DLG2: variants seen among roughly 807,000 people sequenced by gnomAD.
DLG2 encodes discs large MAGUK scaffold protein 2.
A neutral mutation model predicts 132.5 loss-of-function variants in DLG2; 45 were observed. That is an observed-to-expected ratio of 0.34 (90% CI 0.27 to 0.44). The LOEUF (loss-of-function observed/expected upper bound fraction) is 0.44, where lower values mean the gene tolerates loss of function less well. Among genes scored for constraint, DLG2 ranks in the 20% least tolerant of loss-of-function variants. The pLI, the probability that DLG2 is intolerant of heterozygous loss-of-function variation, is 1.00. For missense variants in DLG2, 1,045 were observed against 1,196.9 expected, an observed-to-expected ratio of 0.87 and a Z score of 1.87; for synonymous variants, 424 against 419.6, an observed-to-expected ratio of 1.01 and a Z score of -0.13.
intron 6 of DLG2, among the ~76,000 whole-genome samples, chr11:84,911,591 C>A (rs2092065644): frequency 6.6e-6 from 1 of 152,096 alleles, no homozygotes; most frequent in Non-Finnish European, 1.5e-5. Context: ...TATCCTTAAT[C>A]TTAAAATTGC....
At chr11:85,577,358 C>T (rs578119337) in intron 3 of DLG2, among the ~76,000 whole-genome samples, 1 of 151,990 alleles carries the variant, frequency 6.6e-6, no homozygotes, top group African/African-American at 2.4e-5. Flanking sequence ...ATTCTGCCAA[C>T]AAGATTTGCA....
At chr11:84,153,634 T>C (rs1301826345) in intron 9 of DLG2, among the ~76,000 whole-genome samples, 1 of 152,218 alleles carries the variant, frequency 6.6e-6, no homozygotes, top group Non-Finnish European at 1.5e-5. Context: ...GTCTATTACA[T>C]TGCTAATGCT....
intron 3 of DLG2, among the ~76,000 whole-genome samples, chr11:85,349,148 G>A (rs960457454): frequency 6.6e-6 from 1 of 152,078 alleles, no homozygotes; most frequent in Non-Finnish European, 1.5e-5. Flanking sequence ...CATTAAAACA[G>A]AGACCTTAAC....
intron 7 of DLG2, among the ~76,000 whole-genome samples, chr11:84,429,682 C>T (rs1172424734): frequency 6.6e-6 from 1 of 152,120 alleles, no homozygotes; most frequent in Non-Finnish European, 1.5e-5. Context: ...CTCATTCCTG[C>T]AATACATGTG....
intron 3 of DLG2, among the ~76,000 whole-genome samples, chr11:85,596,572 A>G (rs2079784617): frequency 6.6e-6 from 1 of 152,100 alleles, no homozygotes. Context: ...GCGAGGTACT[A>G]TTTCAATGTG....
chr11:84,750,090 T>G (rs528327664), intron 6 of DLG2, among the ~76,000 whole-genome samples: 26 of 152,308 alleles, frequency 1.7e-4, no homozygotes, highest in African/African-American at 6.0e-4. Context: ...ACCACTCACT[T>G]GTTCCAACAG....
intron 19 of DLG2, among the ~76,000 whole-genome samples, chr11:83,581,804 T>G (rs1221531250): frequency 2.0e-5 from 3 of 152,174 alleles, no homozygotes; most frequent in African/African-American, 7.2e-5. Flanking sequence ...CATTCCATTT[T>G]ATTGGTCCTA....
At chr11:84,090,348 A>G (rs1206192871) in intron 10 of DLG2, among the ~76,000 whole-genome samples, 2 of 137,184 alleles carry the variant, frequency 1.5e-5, no homozygotes, top group East Asian at 2.4e-4. Flanking sequence ...CAGGAGGCGG[A>G]GGTTGCAGTG....
intron 6 of DLG2, among the ~76,000 whole-genome samples, chr11:85,099,761 GT>G (rs1439724344): frequency 6.6e-6 from 1 of 152,162 alleles, no homozygotes; most frequent in Admixed American, 6.5e-5. Context: ...TGATGTCCGT[GT>G]TTGTTCCGCA....
At chr11:85,051,278 A>G (rs906333858) in intron 6 of DLG2, among the ~76,000 whole-genome samples, 1 of 152,108 alleles carries the variant, frequency 6.6e-6, no homozygotes, top group Non-Finnish European at 1.5e-5. Context: ...CTTGCAGTAA[A>G]AGCAGGCATG....
chr11:83,592,138 A>T (rs1565954943), intron 19 of DLG2, among the ~76,000 whole-genome samples: 1 of 149,900 alleles, frequency 6.7e-6, no homozygotes, highest in Non-Finnish European at 1.5e-5. Flanking sequence ...ATTGGAAAAA[A>T]CTACTTTAAA....
chr11:84,749,123 C>T (rs2065774574), intron 6 of DLG2, among the ~76,000 whole-genome samples: 1 of 152,168 alleles, frequency 6.6e-6, no homozygotes, highest in Admixed American at 6.5e-5. Flanking sequence ...TGTTCACTAG[C>T]CTCAGTCAAC....
chr11:84,010,293 G>GTATTATTAT (rs71463190), intron 11 of DLG2, among the ~76,000 whole-genome samples: 2,359 of 147,532 alleles, frequency 0.016, 32 homozygotes, highest in Middle Eastern at 0.029. Flanking sequence ...CATTTTAATT[G>GTATTATTAT]TATTATTATT....
intron 6 of DLG2, among the ~76,000 whole-genome samples, chr11:85,008,083 G>T (rs1255347682): frequency 1.3e-5 from 2 of 152,110 alleles, no homozygotes; most frequent in African/African-American, 4.8e-5. Flanking sequence ...ACTAAGCAGA[G>T]AACACGAAAA....
intron 6 of DLG2, among the ~76,000 whole-genome samples, chr11:84,732,690 A>C (rs1357126008): frequency 1.3e-5 from 2 of 151,918 alleles, no homozygotes; most frequent in African/African-American, 2.4e-5. Context: ...ACATGTGCAC[A>C]ATGTGCAGGT....
At chr11:85,225,682 C>G (rs1388778988) in intron 4 of DLG2, among the ~76,000 whole-genome samples, 1 of 151,904 alleles carries the variant, frequency 6.6e-6, no homozygotes, top group African/African-American at 2.4e-5. Flanking sequence ...TCTCTTCTCT[C>G]TGTTTATTTT....
At chr11:84,907,717 A>G (rs2091670101) in intron 6 of DLG2, among the ~76,000 whole-genome samples, 1 of 152,136 alleles carries the variant, frequency 6.6e-6, no homozygotes, top group African/African-American at 2.4e-5. Context: ...GAGGAGAAAA[A>G]TTTCCATTCC....
intron 18 of DLG2, among the ~76,000 whole-genome samples, chr11:83,781,425 T>C (rs1566940974): frequency 6.6e-6 from 1 of 152,198 alleles, no homozygotes; most frequent in Non-Finnish European, 1.5e-5. Context: ...AAATGAACCA[T>C]GTGGTCACTC....
At chr11:83,878,046 G>C (rs943219341) in intron 15 of DLG2, among the ~76,000 whole-genome samples, 1 of 152,172 alleles carries the variant, frequency 6.6e-6, no homozygotes, top group African/African-American at 2.4e-5. Flanking sequence ...CAGTCAGATG[G>C]AATTCTGAGA....
Sources: allele counts gnomAD v4.1 joint callset (sites outside exome capture counted in the v4.1 genomes callset), GRCh38; gene constraint gnomAD v4.1.1; transcripts MANE v1.5; gene names NCBI Gene and HGNC (gene_info 2026-07-23, HGNC 2026-07-21).